SGCG: variants seen among roughly 807,000 people sequenced by gnomAD.
SGCG encodes the protein sarcoglycan gamma, also known as gamma-sarcoglycan.
In SGCG, 26 loss-of-function variants were observed where a neutral mutation model predicts 29.3. The ratio of observed to expected loss-of-function variants is 0.89; its 90% confidence interval spans 0.65 to 1.23. The LOEUF (loss-of-function observed/expected upper bound fraction) is 1.23. Ranked by LOEUF, SGCG falls within the 50% of genes most tolerant of loss-of-function variation. SGCG has a pLI of 0.00. For synonymous variants in SGCG, 145 were observed against 129.7 expected (o/e 1.12, Z -0.80); for missense variants, 353 against 356.0 (o/e 0.99, Z 0.07).
In SGCG at chr13:23,279,880, A is replaced by G. The variant is rs917863746; in HGVS notation, c.505+402A>G. ...GTAGCTGAGACTACAGGCACCCGCC[A>G]CCATGCCTGGCTAATTTTTGTATTT... On this transcript the variant is annotated intron_variant, in intron 5 of 7. Coordinates refer to ENST00000218867, the MANE Select transcript of SGCG (RefSeq NM_000231.3). Among the ~76,000 whole-genome samples the G allele has an allele frequency of 3.9e-5, 6 of 152,000 alleles. No homozygotes were observed. The South Asian group carries it at 6.2e-4, about 16-fold the overall frequency.
chr13:23,284,210 G>C (rs1482753696), intron 5 of SGCG, among the ~76,000 whole-genome samples: 1 of 152,128 alleles, frequency 6.6e-6, no homozygotes, highest in Non-Finnish European at 1.5e-5. Context: ...TTTCCAACTT[G>C]GTTCCATTTT....
chr13:23,182,046 T>C (rs1230716563), intron 1 of SGCG, among the ~76,000 whole-genome samples: 3 of 152,222 alleles, frequency 2.0e-5, no homozygotes, highest in East Asian at 3.8e-4. Context: ...AAAAGTAGCA[T>C]TTCAATGTAG....
intron 2 of SGCG, among the ~76,000 whole-genome samples, chr13:23,228,842 T>C (rs1878999394): frequency 6.6e-6 from 1 of 152,194 alleles, no homozygotes; most frequent in East Asian, 1.9e-4. Context: ...AGTGTATATG[T>C]ACCACATTTT....
intron 6 of SGCG, among the ~76,000 whole-genome samples, chr13:23,306,860 G>A (rs2137501839): frequency 6.6e-6 from 1 of 152,306 alleles, no homozygotes; most frequent in South Asian, 2.1e-4. Flanking sequence ...AGTAACAGAA[G>A]AGCACAGTCA....
At chr13:23,296,595 C>A (rs578094226) in intron 6 of SGCG, among the ~76,000 whole-genome samples, 5 of 116,614 alleles carry the variant, frequency 4.3e-5, no homozygotes, top group African/African-American at 1.5e-4. Context: ...TCTCTTCTCC[C>A]GGTCACCCCG....
At chr13:23,207,771 A>G (rs1293262697) in intron 2 of SGCG, among the ~76,000 whole-genome samples, 3 of 152,154 alleles carry the variant, frequency 2.0e-5, no homozygotes, top group Non-Finnish European at 2.9e-5. Flanking sequence ...ACCTGTCAAG[A>G]TGGCTATTAT....
At chr13:23,264,681 A>G (rs1309719909) in intron 4 of SGCG, among the ~76,000 whole-genome samples, 1 of 152,212 alleles carries the variant, frequency 6.6e-6, no homozygotes, top group African/African-American at 2.4e-5. Flanking sequence ...AAATTATACT[A>G]CAAGGCTGTA....
At chr13:23,290,516 A>G (rs1295973001) in intron 5 of SGCG, among the ~76,000 whole-genome samples, 1 of 152,210 alleles carries the variant, frequency 6.6e-6, no homozygotes, top group African/African-American at 2.4e-5. Context: ...ATTTATTATT[A>G]CGGAAGTTAT....
upstream of SGCG, among the ~76,000 whole-genome samples, chr13:23,176,338 T>TGACAACAAAAATACAAGTAAC (rs368688668): frequency 6.6e-6 from 1 of 152,244 alleles, no homozygotes; most frequent in African/African-American, 2.4e-5. Flanking sequence ...AGACAAGTAA[T>TGACAACAAAAATACAAGTAAC]GACAACAAAA....
chr13:23,319,177 A>T (rs1391034375), intron 6 of SGCG, among the ~76,000 whole-genome samples: 1 of 152,126 alleles, frequency 6.6e-6, no homozygotes, highest in Non-Finnish European at 1.5e-5. Context: ...GGGTGCCTGT[A>T]AACCTAGGTA....
the SGCG span, among the ~76,000 whole-genome samples, chr13:23,162,471 T>A: frequency 7.9e-5 from 12 of 152,182 alleles, no homozygotes; most frequent in South Asian, 2.1e-4. Flanking sequence ...AATATTTTTT[T>A]AAAAATTAGC....
At chr13:23,295,392 A>G in intron 5 of SGCG, 23 bp from the exon 6 acceptor site, 1 of 1,577,006 alleles carries the variant, frequency 6.3e-7, no homozygotes, top group Non-Finnish European at 8.7e-7. Flanking sequence ...TCTGCTCCTG[A>G]TACATCTTTG....
intron 6 of SGCG, among the ~76,000 whole-genome samples, chr13:23,298,595 A>G (rs1882000995): frequency 6.6e-6 from 1 of 152,226 alleles, no homozygotes; most frequent in Admixed American, 6.5e-5. Flanking sequence ...GATTAACATT[A>G]AAGAATTTTT....
intron 3 of SGCG, among the ~76,000 whole-genome samples, chr13:23,236,963 G>T (rs1349984746): frequency 2.0e-5 from 3 of 152,066 alleles, no homozygotes; most frequent in Non-Finnish European, 4.4e-5. Context: ...CTTCTGTATG[G>T]ATTGATATAT....
intron 1 of SGCG, among the ~76,000 whole-genome samples, chr13:23,191,358 A>G (rs951179840): frequency 6.6e-6 from 1 of 152,216 alleles, no homozygotes; most frequent in Non-Finnish European, 1.5e-5. Flanking sequence ...GAAGAAGGAA[A>G]GGAAGAGGAG....
intron 5 of SGCG, among the ~76,000 whole-genome samples, chr13:23,288,269 G>A (rs1881576729): frequency 6.6e-6 from 1 of 152,130 alleles, no homozygotes; most frequent in Non-Finnish European, 1.5e-5. Context: ...GGACTGGAAA[G>A]AAAATCCAAT....
intron 1 of SGCG, among the ~76,000 whole-genome samples, chr13:23,193,590 A>G (rs1877368236): frequency 6.6e-6 from 1 of 152,176 alleles, no homozygotes; most frequent in Admixed American, 6.5e-5. Flanking sequence ...GATGCCATGG[A>G]CTGAGATGGG....
At chr13:23,281,182 G>A (rs11618024) in intron 5 of SGCG, among the ~76,000 whole-genome samples, 31,020 of 151,482 alleles carry the variant, frequency 0.2, 3,344 homozygotes, top group Non-Finnish European at 0.24. Context: ...AAAAGAAAAA[G>A]TACAAAAATT....
chr13:23,323,253 T>C (rs1194020709), intron 7 of SGCG, among the ~76,000 whole-genome samples: 1 of 152,218 alleles, frequency 6.6e-6, no homozygotes, highest in East Asian at 1.9e-4. Context: ...GATAATAACC[T>C]AAAGATTCTA....
Sources: allele counts gnomAD v4.1 joint callset (sites outside exome capture counted in the v4.1 genomes callset), GRCh38; gene constraint gnomAD v4.1.1; transcripts MANE v1.5; gene names NCBI Gene and HGNC (gene_info 2026-07-23, HGNC 2026-07-21).